RBFOX1: variants seen among roughly 807,000 people sequenced by gnomAD.
The protein encoded by RBFOX1 is RNA binding fox-1 homolog 1.
In RBFOX1, 8 loss-of-function variants were observed where a neutral mutation model predicts 57.7. The ratio of observed to expected loss-of-function variants is 0.14; its 90% CI spans 0.08 to 0.25. The LOEUF (loss-of-function observed/expected upper bound fraction) is 0.25. RBFOX1 is among the 10% of genes least tolerant of loss of function. The pLI is 1.00. For synonymous variants in RBFOX1, 326 were observed against 222.4 expected (o/e 1.47, Z -4.15); for missense variants, 611 against 548.5 (o/e 1.11, Z -1.14).
chr16:6,575,870 T>A (rs917263537), intron 2 of RBFOX1, among the ~76,000 whole-genome samples: 4 of 146,054 alleles, frequency 2.7e-5, no homozygotes, highest in African/African-American at 9.9e-5. Flanking sequence ...AAAAAATAAA[T>A]AAATAAATAA....
At chr16:5,639,721 G>A (rs2048799851) in intron 3 of RBFOX1, among the ~76,000 whole-genome samples, 1 of 152,182 alleles carries the variant, frequency 6.6e-6, no homozygotes. Flanking sequence ...GTGGGAGGCT[G>A]CTCGGCATTT....
rs78869338 is a variant in RBFOX1, at chr16:7,651,900, G to A, written c.758-1915G>A. On this transcript the variant is annotated intron_variant, in intron 11 of 15. Transcript: ENST00000550418. ...CAATACCTGCTGCTTAGTGAGATGG[G>A]ACAAGCGTAGTGAGTATGGTGAGAG... Among the ~76,000 whole-genome samples, 895 of 152,344 alleles carry A rather than the reference G, an allele frequency of 5.9e-3. 7 individuals are homozygous for A. Among genetic ancestry groups the A allele is most frequent in the African/African-American group, 0.021 (856 of 41,570 alleles).
At chr16:5,610,973 C>G (rs7205667) in intron 3 of RBFOX1, among the ~76,000 whole-genome samples, 3,794 of 152,268 alleles carry the variant, frequency 0.025, 95 homozygotes, top group East Asian at 0.077. Context: ...GGCTAAAATC[C>G]AAACTCCTTG....
chr16:5,738,256 T>C (rs983876074), intron 3 of RBFOX1, among the ~76,000 whole-genome samples: 1 of 151,800 alleles, frequency 6.6e-6, no homozygotes. Context: ...GCAGGGTGTT[T>C]AGGGTATCCA....
At chr16:6,210,840 A>G (rs1289163350) in intron 1 of RBFOX1, among the ~76,000 whole-genome samples, 2 of 152,208 alleles carry the variant, frequency 1.3e-5, no homozygotes, top group African/African-American at 4.8e-5. Flanking sequence ...AGCTCCAGGC[A>G]GTCCTTAAGT....
intron 3 of RBFOX1, among the ~76,000 whole-genome samples, chr16:7,007,796 T>C (rs527622672): frequency 2.2e-4 from 33 of 152,310 alleles, no homozygotes; most frequent in African/African-American, 7.9e-4. Context: ...GTAAGGCTGC[T>C]GCCATTGAAG....
chr16:5,667,103 ATAAAG>A (rs1186708496), intron 3 of RBFOX1, among the ~76,000 whole-genome samples: 2 of 152,150 alleles, frequency 1.3e-5, no homozygotes, highest in African/African-American at 4.8e-5. Context: ...ACTATTATTT[ATAAAG>A]TAAAGTCGTT....
intron 15 of RBFOX1, chr16:7,710,340 G>A (rs1435646352): frequency 1.6e-6 from 2 of 1,255,730 alleles, no homozygotes; most frequent in South Asian, 2.3e-5. Context: ...AAAAAAATGA[G>A]ACAGTGAAAA....
At chr16:5,646,550 G>A (rs147457216) in intron 3 of RBFOX1, among the ~76,000 whole-genome samples, 1 of 152,166 alleles carries the variant, frequency 6.6e-6, no homozygotes, top group Admixed American at 6.5e-5. Flanking sequence ...ATGCAGAGGA[G>A]ACACCTGCTA....
chr16:6,808,259 C>T (rs373843921), intron 3 of RBFOX1, among the ~76,000 whole-genome samples: 2 of 151,320 alleles, frequency 1.3e-5, no homozygotes, highest in East Asian at 3.9e-4. Flanking sequence ...ACTGATGCCC[C>T]ATCACTTTGG....
intron 3 of RBFOX1, among the ~76,000 whole-genome samples, chr16:5,781,581 C>G (rs767882373): frequency 6.6e-6 from 1 of 152,234 alleles, no homozygotes; most frequent in Non-Finnish European, 1.5e-5. Context: ...ATTGGCCATA[C>G]GGACTCCGCC....
intron 3 of RBFOX1, among the ~76,000 whole-genome samples, chr16:5,664,332 G>A (rs188469559): frequency 3.3e-5 from 5 of 152,224 alleles, no homozygotes; most frequent in African/African-American, 4.8e-5. Flanking sequence ...GGCAGATCAC[G>A]AGGTTGAGAG....
chr16:7,631,941 A>C (rs1280265500), intron 11 of RBFOX1, among the ~76,000 whole-genome samples: 1 of 152,078 alleles, frequency 6.6e-6, no homozygotes, highest in Non-Finnish European at 1.5e-5. Flanking sequence ...ACAAAGTCTC[A>C]CTCTGTTACC....
At chr16:6,445,744 A>G (rs1360976491) in intron 2 of RBFOX1, among the ~76,000 whole-genome samples, 1 of 151,778 alleles carries the variant, frequency 6.6e-6, no homozygotes, top group Non-Finnish European at 1.5e-5. Flanking sequence ...CACCATGCCC[A>G]GTTAATTTTT....
intron 14 of RBFOX1, among the ~76,000 whole-genome samples, chr16:7,684,420 C>G (rs2075606985): frequency 1.3e-5 from 2 of 151,930 alleles, no homozygotes; most frequent in Non-Finnish European, 2.9e-5. Flanking sequence ...TTTTTCCAAG[C>G]TAATTATTGA....
intron 4 of RBFOX1, among the ~76,000 whole-genome samples, chr16:5,980,808 G>C (rs900507023): frequency 5.3e-5 from 8 of 152,056 alleles, no homozygotes; most frequent in African/African-American, 1.9e-4. Flanking sequence ...TCCCCTTTTA[G>C]CACCAGAGGG....
chr16:7,061,203 T>C (rs1427283258), intron 4 of RBFOX1, among the ~76,000 whole-genome samples: 1 of 152,214 alleles, frequency 6.6e-6, no homozygotes, highest in African/African-American at 2.4e-5. Flanking sequence ...AGGCAAATGA[T>C]CCCCAGGGGC....
chr16:6,217,292 A>G (rs985299534), intron 1 of RBFOX1, among the ~76,000 whole-genome samples: 2 of 151,144 alleles, frequency 1.3e-5, no homozygotes, highest in Non-Finnish European at 2.9e-5. Flanking sequence ...ATGTCTGAAT[A>G]CTACCGTATT....
At chr16:7,685,440 A>C (rs2075860601) in intron 14 of RBFOX1, among the ~76,000 whole-genome samples, 1 of 152,084 alleles carries the variant, frequency 6.6e-6, no homozygotes, top group African/African-American at 2.4e-5. Flanking sequence ...TCGTGTCATT[A>C]ATTGCATAGA....
Sources: gnomAD v4.1 joint callset for allele counts (sites outside exome capture counted in the v4.1 genomes callset) on GRCh38, gnomAD v4.1.1 for gene constraint, MANE v1.5 for transcripts, NCBI Gene and HGNC (gene_info 2026-07-23, HGNC 2026-07-21) for gene names.